The following FBXO21 variants were observed in gnomAD, a reference collection of about 807,000 sequenced individuals.
The protein encoded by FBXO21 is F-box only protein 21.
Under a neutral mutation model 76.6 loss-of-function variants are expected in FBXO21, and 32 were observed. That is an observed-to-expected ratio of 0.42 (90% CI 0.32 to 0.56). The LOEUF (loss-of-function observed/expected upper bound fraction) is 0.56, where lower values mean the gene tolerates loss of function less well. Ranked by LOEUF, FBXO21 falls within the 20% of genes least tolerant of loss-of-function variation. The pLI, the probability that FBXO21 is intolerant of heterozygous loss-of-function variation, is 0.16. For synonymous variants in FBXO21, 328 were observed against 311.5 expected (o/e 1.05, Z -0.56); for missense variants, 586 against 797.3 (o/e 0.73, Z 3.19).
rs1464433472 is a variant in FBXO21 at position 117,145,239 on chromosome 12, T to C, written c.*848A>G. 6.6e-6 allele frequency: 1 copy of C among 152,018 alleles called. No individual in the cohort carries two copies. Among genetic ancestry groups the C allele is most frequent in the African/African-American group, 2.4e-5 (1 of 41,410 alleles). The allele number at this position is 152,018 out of a possible 1,614,324, so 9.4% of individuals were successfully genotyped here. On this transcript the variant is annotated 3_prime_UTR_variant, in exon 12 of 12. Coordinates refer to ENST00000622495, the MANE Select transcript of FBXO21 (RefSeq NM_015002.3). The stretch of plus-strand genomic sequence containing the variant: ...CCATCACTGATGTAAGACCTACTCA[T>C]GATACTGAAGTAGATTTTTTAAATT...
intron 7 of FBXO21, among the ~76,000 whole-genome samples, chr12:117,171,695 T>G (rs1346897772): frequency 6.6e-6 from 1 of 152,226 alleles, no homozygotes; most frequent in Non-Finnish European, 1.5e-5. Flanking sequence ...TGGTACTTTC[T>G]ATCACACAAT....
rs536674029 is a variant in FBXO21, at chr12:117,142,824, G to A, written c.*3263C>T. The A allele has an allele frequency of 1.1e-4, 16 of 152,254 alleles. No homozygotes were observed. Among genetic ancestry groups the A allele is most frequent in the East Asian group, 5.8e-4 (3 of 5,174 alleles). The allele number at this position is 152,254 out of a possible 1,614,324, so 9.4% of individuals were successfully genotyped here. On this transcript the variant is annotated 3_prime_UTR_variant, in exon 12 of 12. Coordinates refer to ENST00000622495, the MANE Select transcript of FBXO21 (RefSeq NM_015002.3). The stretch of plus-strand genomic sequence containing the variant: ...TAAGGAGGGGAAAGCAAAGAGATGC[G>A]ACATCAGCAGCAGAAAGCCTGCGAC...
chr12:117,178,257 C>T (rs1352115537), intron 3 of FBXO21, among the ~76,000 whole-genome samples: 4 of 152,154 alleles, frequency 2.6e-5, no homozygotes, highest in Admixed American at 1.3e-4. Context: ...ATAAGCCATA[C>T]TTAAGACCTG....
At chr12:117,167,993 C>T (rs1013690930) in intron 7 of FBXO21, among the ~76,000 whole-genome samples, 3 of 152,194 alleles carry the variant, frequency 2.0e-5, no homozygotes, top group South Asian at 2.1e-4. Flanking sequence ...GAGCACAATG[C>T]TGAGCAGTGG....
chr12:117,184,654 G>A (rs1956265583), intron 3 of FBXO21, among the ~76,000 whole-genome samples: 2 of 152,184 alleles, frequency 1.3e-5, no homozygotes, highest in Non-Finnish European at 2.9e-5. Context: ...TCAGGAGGCT[G>A]AAGCAGGACA....
rs1955741048 is a variant in FBXO21, at chr12:117,143,954, G to A, written c.*2133C>T. 1 of 152,588 alleles carries A rather than the reference G, an allele frequency of 6.6e-6. No individual in the cohort carries two copies. The highest frequency in any genetic ancestry group is 2.4e-5 in the African/African-American group (1 of 41,458). The allele number at this position is 152,588 out of a possible 1,614,324, so 9.5% of individuals were successfully genotyped here. On this transcript the variant is annotated 3_prime_UTR_variant, in exon 12 of 12. Coordinates refer to ENST00000622495, the MANE Select transcript of FBXO21 (RefSeq NM_015002.3). ...AAAAGTTTTGGAAAATTTTTAAAAA[G>A]AAACTTATGATTTATTAGAGTACAG...
In FBXO21 at chr12:117,189,210, C is replaced by A. The variant is rs764616674; in HGVS notation, c.375+17G>T. 14 of 1,614,060 alleles carry A rather than the reference C, an allele frequency of 8.7e-6. No individual in the cohort carries two copies. Among genetic ancestry groups the A allele is most frequent in the Non-Finnish European group, 1.2e-5 (14 of 1,180,036 alleles). ...ACCAGCAAGCCAAAGCTTAGAGCCA[C>A]ATCAACAGATCCTTACGTGCTCTGA... On this transcript the variant is annotated intron_variant, in intron 2 of 11. Coordinates refer to ENST00000622495, the MANE Select transcript of FBXO21 (RefSeq NM_015002.3).
At chr12:117,177,223 C>T (rs976607637) in intron 4 of FBXO21, among the ~76,000 whole-genome samples, 12 of 152,166 alleles carry the variant, frequency 7.9e-5, no homozygotes, top group East Asian at 3.8e-4. Flanking sequence ...CATTAAAGCT[C>T]GGAAAAACAG....
At chr12:117,182,597 C>G in intron 3 of FBXO21, among the ~76,000 whole-genome samples, 1 of 116,794 alleles carries the variant, frequency 8.6e-6, no homozygotes, top group South Asian at 3.0e-4. Context: ...TGGACCGAGT[C>G]TGTCGCCCAG....
chr12:117,147,288 TG>T (rs1448782461), intron 11 of FBXO21, among the ~76,000 whole-genome samples: 1 of 45,096 alleles, frequency 2.2e-5, no homozygotes, highest in African/African-American at 1.1e-4. Context: ...ACTGAAAAAA[TG>T]GAAAAAAAAA....
Position 117,146,235 on chromosome 12 carries a change from G to T in FBXO21, c.1718C>A (p.Pro573His). 1 of 1,612,186 alleles carries T rather than the reference G, an allele frequency of 6.2e-7. No homozygotes were observed. The highest frequency in any genetic ancestry group is 8.5e-7 in the Non-Finnish European group (1 of 1,179,524). The change falls in exon 12 of 12, where the codon CCT becomes CAT. Residue 573 changes from proline (P) to histidine (H), a missense_variant. By Grantham distance (77) the Pro-to-His change is moderately conservative. This residue lies in a region of FBXO21 where 164 missense variants were observed against 236.7 expected (regional missense o/e 0.69). Coordinates refer to ENST00000622495, the MANE Select transcript of FBXO21 (RefSeq NM_015002.3). ...CTCTGAGAAATAGCGTCCCACGTCA[G>T]GGTGTGAGATTTCTTGAGGCTCCAC... ...YNVEPQEISH[P>H]DVGRYFSEFT...
intron 11 of FBXO21, among the ~76,000 whole-genome samples, chr12:117,150,908 G>C (rs1324286525): frequency 2.1e-5 from 1 of 47,160 alleles, no homozygotes; most frequent in Non-Finnish European, 4.0e-5. Context: ...TGTGTCAGGC[G>C]GGAGGACTGT....
chr12:117,151,811 C>T (rs557143206), intron 11 of FBXO21, among the ~76,000 whole-genome samples: 2 of 152,198 alleles, frequency 1.3e-5, no homozygotes, highest in South Asian at 4.2e-4. Context: ...GAGAGAATAA[C>T]AGTGGTGGAA....
intron 3 of FBXO21, among the ~76,000 whole-genome samples, chr12:117,184,721 G>A (rs1413991751): frequency 1.3e-5 from 2 of 152,114 alleles, no homozygotes; most frequent in African/African-American, 4.8e-5. Flanking sequence ...ACTCCAGCCT[G>A]GGCTACAAGA....
At chr12:117,150,749 T>C (rs1244253414) in intron 11 of FBXO21, among the ~76,000 whole-genome samples, 3 of 152,150 alleles carry the variant, frequency 2.0e-5, no homozygotes, top group African/African-American at 7.2e-5. Flanking sequence ...TTTTTACAAT[T>C]TGAAAGCGAA....
intron 3 of FBXO21, among the ~76,000 whole-genome samples, chr12:117,179,658 C>T (rs1159596881): frequency 6.6e-6 from 1 of 152,206 alleles, no homozygotes; most frequent in African/African-American, 2.4e-5. Context: ...GAAGGTAGTG[C>T]ATTCTCCCAT....
chr12:117,168,537 A>T lies in FBXO21; in HGVS notation c.1014-1460T>A, dbSNP rs555640305. Among the ~76,000 whole-genome samples, 9 of 152,238 alleles carry T rather than the reference A, an allele frequency of 5.9e-5. No individual in the cohort carries two copies. In the East Asian group the frequency reaches 9.6e-4, roughly 16 times the overall value. On this transcript the variant is annotated intron_variant, in intron 7 of 11. Transcript: ENST00000622495. ...AGACTCCATCTCAAAAAAATAAAAA[A>T]AAATAAAATAAATAAACCTATGAGG... is the stretch of plus-strand genomic sequence containing the variant.
chr12:117,173,369 A>G (rs1270120171), intron 6 of FBXO21, among the ~76,000 whole-genome samples: 8 of 152,214 alleles, frequency 5.3e-5, no homozygotes, highest in Admixed American at 3.3e-4. Context: ...TTACAGGAAA[A>G]GTTGGTCAAG....
intron 5 of FBXO21, 81 bp downstream of exon 5, chr12:117,174,570 C>A: frequency 1.3e-6 from 2 of 1,488,306 alleles, no homozygotes; most frequent in Admixed American, 1.9e-5. Flanking sequence ...ATAATGGCAG[C>A]ACACTAACAA....
Sources: gnomAD v4.1 joint callset for allele counts (sites outside exome capture counted in the v4.1 genomes callset) on GRCh38, gnomAD v4.1.1 for gene constraint, gnomAD v4.1.1 regional missense constraint, MANE v1.5 for transcripts, NCBI Gene and HGNC (gene_info 2026-07-23, HGNC 2026-07-21) for gene names.